PLA2R1: variants seen among roughly 807,000 people sequenced by gnomAD.
PLA2R1 encodes secretory phospholipase A2 receptor.
PLA2R1 carries 158 observed loss-of-function variants against 195.9 expected under a neutral mutation model. That is an observed-to-expected ratio of 0.81 (90% CI 0.71 to 0.92). The LOEUF (loss-of-function observed/expected upper bound fraction) is 0.92, where lower values mean the gene tolerates loss of function less well. PLA2R1 is among the 40% of genes least tolerant of loss of function. The probability of loss-of-function intolerance (pLI) is 0.00; values close to 1 mark genes in which losing one functional copy is unlikely to be tolerated. For missense variants in PLA2R1, 1,626 were observed against 1,764.6 expected, an observed-to-expected ratio of 0.92 and a Z score of 1.41; for synonymous variants, 586 against 598.2, an observed-to-expected ratio of 0.98 and a Z score of 0.30.
At chr2:159,981,919 TCCTC>T (rs1228074169) in intron 13 of PLA2R1, among the ~76,000 whole-genome samples, 1 of 152,146 alleles carries the variant, frequency 6.6e-6, no homozygotes, top group Non-Finnish European at 1.5e-5. Flanking sequence ...CCTTAAGTGT[TCCTC>T]CCACCTTGGT....
At chr2:160,000,471 T>A (rs944201281) in intron 11 of PLA2R1, among the ~76,000 whole-genome samples, 8 of 152,108 alleles carry the variant, frequency 5.3e-5, no homozygotes, top group South Asian at 2.1e-4. Flanking sequence ...AAATGCTAAT[T>A]TTCACTGGAG....
intron 20 of PLA2R1, among the ~76,000 whole-genome samples, chr2:159,959,785 C>T (rs1337672654): frequency 1.3e-5 from 2 of 152,090 alleles, no homozygotes; most frequent in Non-Finnish European, 2.9e-5. Flanking sequence ...ACTCCATCTC[C>T]CCAACAGCCA....
At chr2:159,925,426 G>A in the PLA2R1 span, among the ~76,000 whole-genome samples, 4 of 152,216 alleles carry the variant, frequency 2.6e-5, no homozygotes, top group East Asian at 5.8e-4. Flanking sequence ...ATAATCTTCT[G>A]AGAACATTGT....
At chr2:160,036,210 C>T (rs1694154797) in intron 3 of PLA2R1, among the ~76,000 whole-genome samples, 1 of 152,220 alleles carries the variant, frequency 6.6e-6, no homozygotes, top group Non-Finnish European at 1.5e-5. Flanking sequence ...TAGTCCACAT[C>T]TCTACATAAC....
At position 159,964,913 on chromosome 2, in the gene PLA2R1, G is replaced by A. The variant is rs140754436; in HGVS notation, c.2904+2626C>T. On this transcript the variant is annotated intron_variant, in intron 20 of 29. Coordinates refer to ENST00000283243, the MANE Select transcript of PLA2R1 (RefSeq NM_007366.5). Reference sequence around the variant, plus strand: ...GTGGTGGCAGGCACCTGTAACCCCAGCTACCTGGGAGGCTGAGGCAAGAGA... The same window carrying A: ...GTGGTGGCAGGCACCTGTAACCCCAACTACCTGGGAGGCTGAGGCAAGAGA... Among the ~76,000 whole-genome samples the A allele has an allele frequency of 9.1e-3, 1,389 of 152,120 alleles. 39 individuals carry two copies. The highest frequency in any genetic ancestry group is 0.047 in the East Asian group (242 of 5,176).
In PLA2R1 at chr2:160,049,025, T is replaced by G. The variant is rs6707426; in HGVS notation, c.110-3868A>C. Among the ~76,000 whole-genome samples the G allele has an allele frequency of 8.0e-3, 1,216 of 151,890 alleles. 10 individuals carry two copies. The highest frequency in any genetic ancestry group is 0.028 in the African/African-American group (1,153 of 41,402). On this transcript the variant is annotated intron_variant, in intron 1 of 29. Coordinates refer to ENST00000283243, the MANE Select transcript of PLA2R1 (RefSeq NM_007366.5). ...CCGGCTAATTTTTTTGTATTTTTAG[T>G]AGAGACGGGGTTTCACCGTTCTAGC... is the stretch of plus-strand genomic sequence containing the variant.
Position 159,941,784 on chromosome 2 carries a change from G to C in PLA2R1, c.4386C>G (p.Asp1462Glu). The C allele has an allele frequency of 6.4e-7, 1 of 1,558,816 alleles. No homozygotes were observed. Among genetic ancestry groups the C allele is most frequent in the Non-Finnish European group, 8.8e-7 (1 of 1,130,500 alleles). The stretch of plus-strand genomic sequence containing the variant: ...GCATTCTCTGACCTCATTATTATTG[G>C]TCACTCTTCTCAAGATCAGAAATGA... The part of the protein sequence containing the change: ...NILISDLEKS[D>E]Q Residue 1462 changes from aspartate (D) to glutamate (E), a missense_variant, in exon 30 of 30, where the codon GAC (aspartate) becomes GAG (glutamate). Asp to Glu is a conservative substitution (Grantham distance 45). Transcript: ENST00000283243.
rs1481817832 is a variant in PLA2R1, at chr2:159,939,004, G to C, written c.*2774C>G. The stretch of plus-strand genomic sequence containing the variant: ...GGTTAGTCATAGAACATAATTGACT[G>C]TTGGAGGGGCACATTAACTATGTGT... On this transcript the variant is annotated 3_prime_UTR_variant, in exon 30 of 30. Coordinates refer to ENST00000283243, the MANE Select transcript of PLA2R1 (RefSeq NM_007366.5). 1 of 152,152 alleles carries C rather than the reference G, an allele frequency of 6.6e-6. No individual in the cohort carries two copies. The highest frequency in any genetic ancestry group is 1.5e-5 in the Non-Finnish European group (1 of 68,028). The allele number at this position is 152,152 out of a possible 1,614,324, so 9.4% of individuals were successfully genotyped here. A position where few individuals can be genotyped will look rare whatever the true frequency, so the allele number is the denominator to read the frequency against.
intron 11 of PLA2R1, among the ~76,000 whole-genome samples, chr2:160,004,063 A>G (rs1035540483): frequency 7.2e-5 from 11 of 152,240 alleles, no homozygotes; most frequent in African/African-American, 1.7e-4. Context: ...GGATCATACC[A>G]AACAGTTAAC....
intron 1 of PLA2R1, among the ~76,000 whole-genome samples, chr2:160,058,177 CTA>C (rs2105713096): frequency 6.6e-6 from 1 of 152,202 alleles, no homozygotes; most frequent in East Asian, 1.9e-4. Flanking sequence ...ATGAACCCAA[CTA>C]AAACAGGTAG....
intron 10 of PLA2R1, among the ~76,000 whole-genome samples, chr2:160,012,235 C>T (rs1420101943): frequency 6.6e-6 from 1 of 152,188 alleles, no homozygotes; most frequent in African/African-American, 2.4e-5. Flanking sequence ...AAGTGACTTG[C>T]TTTGCAGGTG....
rs758902004 is a variant in PLA2R1 at position 160,033,093 on chromosome 2, T to A, written c.707A>T (p.Asp236Val). ...CTGGTAGCAAATGTGTGAATTGAGGTCCTTCTCCCAAATAGTATCACAACC... is the reference window on the plus strand; with the variant it reads ...CTGGTAGCAAATGTGTGAATTGAGGACCTTCTCCCAAATAGTATCACAACC... The part of the protein sequence containing the change: ...EVGCDTIWEK[D>V]LNSHICYQFN... Residue 236 changes from aspartate to valine, a missense_variant, in exon 4 of 30, where the codon GAC becomes GTC. By Grantham distance (152) the Asp-to-Val change is radical. Coordinates refer to ENST00000283243, the MANE Select transcript of PLA2R1 (RefSeq NM_007366.5). 1.2e-6 allele frequency: 2 copies of A among 1,613,056 alleles called. No homozygotes were observed. Among genetic ancestry groups the A allele is most frequent in the Non-Finnish European group, 1.7e-6 (2 of 1,179,622 alleles).
rs1696044110 is a variant in PLA2R1 at position 160,062,576 on chromosome 2, G to T, written c.-173C>A. The T allele has an allele frequency of 1.7e-6, 2 of 1,165,396 alleles. No homozygotes were observed. Among genetic ancestry groups the T allele is most frequent in the Non-Finnish European group, 2.3e-6 (2 of 886,450 alleles). The allele number at this position is 1,165,396 out of a possible 1,614,324, so 72.2% of individuals were successfully genotyped here. On this transcript the variant is annotated 5_prime_UTR_variant, in exon 1 of 30. Coordinates refer to ENST00000283243, the MANE Select transcript of PLA2R1 (RefSeq NM_007366.5). ...GCCCAGAGCCCTGGAGACCCACTCC[G>T]CCACCGCTGTCTCCACAGTGAACCG...
At chr2:160,006,818 G>T (rs1692017581) in intron 10 of PLA2R1, among the ~76,000 whole-genome samples, 1 of 152,160 alleles carries the variant, frequency 6.6e-6, no homozygotes, top group Non-Finnish European at 1.5e-5. Context: ...AATTTTGGTG[G>T]CTTTTTTCGT....
intron 20 of PLA2R1, among the ~76,000 whole-genome samples, chr2:159,957,746 A>C (rs1688181567): frequency 6.6e-6 from 1 of 152,168 alleles, no homozygotes; most frequent in South Asian, 2.1e-4. Context: ...TTTTCCCTGA[A>C]AGTTCGATGA....
chr2:159,968,471 C>T (rs1688932491), intron 19 of PLA2R1, among the ~76,000 whole-genome samples: 1 of 152,178 alleles, frequency 6.6e-6, no homozygotes, highest in Non-Finnish European at 1.5e-5. Flanking sequence ...TCAAAACAGT[C>T]CTTTCTGTAG....
At chr2:160,042,403 T>C (rs902580125) in intron 2 of PLA2R1, among the ~76,000 whole-genome samples, 1 of 152,202 alleles carries the variant, frequency 6.6e-6, no homozygotes, top group Non-Finnish European at 1.5e-5. Context: ...TGCTGATACA[T>C]GGTTTGCTTA....
intron 11 of PLA2R1, among the ~76,000 whole-genome samples, chr2:159,988,251 GT>G (rs968556008): frequency 2.2e-4 from 33 of 149,846 alleles, no homozygotes; most frequent in South Asian, 1.5e-3. Flanking sequence ...GAATGAGCTT[GT>G]TTTTTCTTGA....
chr2:160,043,666 C>T (rs1694687652), intron 2 of PLA2R1, among the ~76,000 whole-genome samples: 1 of 152,186 alleles, frequency 6.6e-6, no homozygotes, highest in Admixed American at 6.5e-5. Flanking sequence ...TCTTCCCCTG[C>T]ATGCACCATG....
Sources: allele counts gnomAD v4.1 joint callset (sites outside exome capture counted in the v4.1 genomes callset), GRCh38; gene constraint gnomAD v4.1.1; transcripts MANE v1.5; gene names NCBI Gene and HGNC (gene_info 2026-07-23, HGNC 2026-07-21).